The following GULP1 variants were observed in gnomAD, a reference collection of about 807,000 sequenced individuals.
The protein encoded by GULP1 is GULP PTB domain containing engulfment adaptor 1, also known as PTB domain-containing engulfment adapter protein 1.
Under a neutral mutation model 40.9 loss-of-function variants are expected in GULP1, and 19 were observed. The observed-to-expected ratio is 0.46, with a 90% CI of 0.32 to 0.68. The LOEUF (loss-of-function observed/expected upper bound fraction) is 0.68, where lower values mean the gene tolerates loss of function less well. Ranked by LOEUF, GULP1 falls within the 30% of genes least tolerant of loss-of-function variation. GULP1 has a pLI of 0.03. For missense variants in GULP1, 312 were observed against 362.2 expected (o/e 0.86, Z 1.12); for synonymous variants, 119 against 117.6 (o/e 1.01, Z -0.08).
intron 9 of GULP1, among the ~76,000 whole-genome samples, chr2:188,574,179 AAGT>A (rs1168841657): frequency 6.6e-5 from 10 of 152,164 alleles, no homozygotes; most frequent in Middle Eastern, 3.2e-3. Context: ...GAAAGAAAAA[AAGT>A]AGGAATGGAA....
chr2:188,383,336 A>G (rs2049250283), intron 1 of GULP1, among the ~76,000 whole-genome samples: 1 of 152,230 alleles, frequency 6.6e-6, no homozygotes, highest in African/African-American at 2.4e-5. Flanking sequence ...GTAGAATGAA[A>G]ATGAAAGTAA....
At chr2:188,423,703 T>C (rs2055771280) in intron 2 of GULP1, among the ~76,000 whole-genome samples, 1 of 151,866 alleles carries the variant, frequency 6.6e-6, no homozygotes, top group Admixed American at 6.6e-5. Flanking sequence ...AATTTTAACA[T>C]GTTAAAATAG....
chr2:188,473,511 C>T lies in GULP1; in HGVS notation c.-44-4148C>T, dbSNP rs182503752. Among the ~76,000 whole-genome samples, 188 of 152,136 alleles carry T rather than the reference C, an allele frequency of 1.2e-3. 1 individual carries two copies. The highest frequency in any genetic ancestry group is 4.4e-3 in the African/African-American group (181 of 41,514). ...CAAGACACAGTCCTTCTCAATCTTT[C>T]ATCCCCTTTCCAAAGGAAGGTATGC... On this transcript the variant is annotated intron_variant, in intron 2 of 11. Coordinates refer to ENST00000409830, the MANE Select transcript of GULP1 (RefSeq NM_016315.4).
intron 2 of GULP1, among the ~76,000 whole-genome samples, chr2:188,450,293 A>G (rs1464839223): frequency 6.6e-6 from 1 of 152,190 alleles, no homozygotes. Flanking sequence ...TACTATTTTT[A>G]TCATAATATT....
At position 188,313,675 on chromosome 2, in the gene GULP1, A is replaced by G. The variant is rs565892658; in HGVS notation, c.-172+21509A>G. Among the ~76,000 whole-genome samples, 17 of 152,278 alleles carry G rather than the reference A, an allele frequency of 1.1e-4. No individual in the cohort carries two copies. The South Asian group carries it at 2.9e-3, about 26-fold the overall frequency. On this transcript the variant is annotated intron_variant, in intron 1 of 11. Transcript: ENST00000409830. Reference sequence around the variant, plus strand: ...GAATGTCAATGGTAGTTTGATGGGAATGTCATTGAGTCTATGAATTACTTT... The same window carrying G: ...GAATGTCAATGGTAGTTTGATGGGAGTGTCATTGAGTCTATGAATTACTTT...
At chr2:188,587,088 G>C (rs1424082083) in intron 10 of GULP1, among the ~76,000 whole-genome samples, 1 of 151,758 alleles carries the variant, frequency 6.6e-6, no homozygotes, top group Non-Finnish European at 1.5e-5. Context: ...TGATTCAGAG[G>C]AAAGAAATTT....
At chr2:188,317,034 C>T (rs76560213) in intron 1 of GULP1, among the ~76,000 whole-genome samples, 1,606 of 152,216 alleles carry the variant, frequency 0.011, 35 homozygotes, top group African/African-American at 0.036. Flanking sequence ...AGGGCCACAC[C>T]TGCACTTAAC....
At chr2:188,543,157 G>A (rs1039313535) in intron 7 of GULP1, among the ~76,000 whole-genome samples, 2 of 151,766 alleles carry the variant, frequency 1.3e-5, no homozygotes, top group African/African-American at 4.8e-5. Context: ...ATTTTCTCTT[G>A]TTGTGCGCAT....
chr2:188,509,121 G>A (rs143940028), intron 4 of GULP1, among the ~76,000 whole-genome samples: 2 of 152,020 alleles, frequency 1.3e-5, no homozygotes, highest in Non-Finnish European at 2.9e-5. Context: ...CAAGTATCTG[G>A]AACAGTGCCT....
chr2:188,451,161 A>C (rs2058807307), intron 2 of GULP1, among the ~76,000 whole-genome samples: 1 of 152,188 alleles, frequency 6.6e-6, no homozygotes, highest in Admixed American at 6.5e-5. Context: ...TTTTCCTAAC[A>C]ATTTATGATG....
intron 10 of GULP1, 67 bp downstream of exon 10, chr2:188,584,470 C>T: frequency 1.2e-6 from 1 of 812,764 alleles, no homozygotes; most frequent in East Asian, 2.9e-5. Flanking sequence ...ATAATTAAGA[C>T]TTTGTGGGAA....
intron 4 of GULP1, among the ~76,000 whole-genome samples, chr2:188,502,371 GTT>G (rs975637976): frequency 1.1e-4 from 17 of 151,962 alleles, no homozygotes; most frequent in Admixed American, 1.1e-3. Flanking sequence ...CCTGGATTTA[GTT>G]TTAATAAAGA....
intron 7 of GULP1, among the ~76,000 whole-genome samples, chr2:188,549,457 A>G (rs1306462476): frequency 2.0e-5 from 3 of 151,782 alleles, no homozygotes; most frequent in Non-Finnish European, 4.4e-5. Flanking sequence ...AGATATTACT[A>G]CAGAATTATC....
chr2:188,512,282 A>G (rs2064662217), intron 4 of GULP1, among the ~76,000 whole-genome samples: 1 of 152,152 alleles, frequency 6.6e-6, no homozygotes, highest in African/African-American at 2.4e-5. Context: ...AATAATGAGA[A>G]TATTCATTGT....
At chr2:188,340,861 A>G (rs1472989242) in intron 1 of GULP1, among the ~76,000 whole-genome samples, 1 of 152,094 alleles carries the variant, frequency 6.6e-6, no homozygotes, top group Admixed American at 6.6e-5. Flanking sequence ...TCCCGTGAAG[A>G]ACAGTCATTT....
intron 11 of GULP1, chr2:188,589,683 G>C (rs535247003): frequency 4.4e-4 from 440 of 996,504 alleles, no homozygotes; most frequent in Middle Eastern, 2.5e-3. Flanking sequence ...TGCTTTTGCT[G>C]TTTCTAATAT....
chr2:188,314,020 C>A lies in GULP1; in HGVS notation c.-172+21854C>A, dbSNP rs553222113. Among the ~76,000 whole-genome samples, 9 of 151,222 alleles carry A rather than the reference C, an allele frequency of 6.0e-5. No homozygotes were observed. In the East Asian group the frequency reaches 9.7e-4, roughly 16 times the overall value. ...GGAAAATTAAAAAAAAAACAAAATA[C>A]ATATAAAATAAAGTAACATAATAAG... On this transcript the variant is annotated intron_variant, in intron 1 of 11. Transcript: ENST00000409830.
chr2:188,389,861 A>G (rs926685619), intron 2 of GULP1, among the ~76,000 whole-genome samples: 5 of 152,042 alleles, frequency 3.3e-5, no homozygotes, highest in Non-Finnish European at 5.9e-5. Context: ...CCAAGCGAGA[A>G]CATGTGGGAT....
intron 1 of GULP1, among the ~76,000 whole-genome samples, chr2:188,310,627 G>A (rs536207677): frequency 3.8e-4 from 58 of 152,268 alleles, no homozygotes; most frequent in Non-Finnish European, 7.2e-4. Context: ...GTGCTCTATA[G>A]TGAGTTGGAT....
Sources: gnomAD v4.1 joint callset for allele counts (sites outside exome capture counted in the v4.1 genomes callset) on GRCh38, gnomAD v4.1.1 for gene constraint, MANE v1.5 for transcripts, NCBI Gene and HGNC (gene_info 2026-07-23, HGNC 2026-07-21) for gene names.